CCDC171: variants seen among roughly 807,000 people sequenced by gnomAD.
CCDC171 encodes coiled-coil domain-containing protein 171.
Under a neutral mutation model 168.2 loss-of-function variants are expected in CCDC171, and 177 were observed. That is an observed-to-expected ratio of 1.05 (90% CI 0.93 to 1.19). The LOEUF (loss-of-function observed/expected upper bound fraction) is 1.19. Among genes scored for constraint, CCDC171 ranks in the 50% most tolerant of loss-of-function variants. The probability of loss-of-function intolerance (pLI) is 0.00; values close to 1 mark genes in which losing one functional copy is unlikely to be tolerated. For synonymous variants in CCDC171, 687 were observed against 540.8 expected, an observed-to-expected ratio of 1.27 and a Z score of -3.75; for missense variants, 1,991 against 1,539.0, an observed-to-expected ratio of 1.29 and a Z score of -4.91.
rs866695413 is a variant in CCDC171, at chr9:15,662,612, A to G, written c.916-3551A>G. Among the ~76,000 whole-genome samples, 3 of 152,222 alleles carry G rather than the reference A, an allele frequency of 2.0e-5. No homozygotes were observed. In the Middle Eastern group the frequency reaches 0.01, roughly 518 times the overall value. ...TCAAGATCTAAGACTGTGTAGTTTC[A>G]TTATTGTATGTATCTTGAGCATTAG... On this transcript the variant is annotated intron_variant, in intron 8 of 25. Coordinates refer to ENST00000380701, the MANE Select transcript of CCDC171 (RefSeq NM_173550.4).
In CCDC171 at chr9:15,591,489, T is replaced by C; in HGVS notation, c.476T>C (p.Ile159Thr). ...GATTTGGAGGAAAGAGACAATATGATCCAAAATTGCAATCGAGAATATGAT... is the reference window on the plus strand; with the variant it reads ...GATTTGGAGGAAAGAGACAATATGACCCAAAATTGCAATCGAGAATATGAT... The part of the protein sequence containing the change: ...EHDLEERDNM[I>T]QNCNREYDLL... The change falls in exon 5 of 26, where the codon ATC (isoleucine) becomes ACC (threonine). Residue 159 changes from isoleucine to threonine, a missense_variant. Ile to Thr is a moderately conservative substitution (Grantham distance 89, BLOSUM62 -1). Transcript: ENST00000380701. The C allele has an allele frequency of 2.5e-6, 4 of 1,607,114 alleles. No homozygotes were observed. The highest frequency in any genetic ancestry group is 3.4e-6 in the Non-Finnish European group (4 of 1,176,570).
intron 16 of CCDC171, among the ~76,000 whole-genome samples, chr9:15,743,567 T>C (rs1288024786): frequency 6.6e-6 from 1 of 152,238 alleles, no homozygotes; most frequent in Admixed American, 6.5e-5. Flanking sequence ...ATTGTGGTTC[T>C]TACAGTTAAA....
At chr9:15,708,508 C>A (rs568988048) in intron 11 of CCDC171, among the ~76,000 whole-genome samples, 1 of 152,272 alleles carries the variant, frequency 6.6e-6, no homozygotes, top group African/African-American at 2.4e-5. Flanking sequence ...TATCTTTCTA[C>A]TGTGTAGGTG....
chr9:15,591,224 C>A, intron 4 of CCDC171, 142 bp from the exon 5 acceptor site: 1 of 543,034 alleles, frequency 1.8e-6, no homozygotes, highest in South Asian at 2.8e-5. Flanking sequence ...GAAAGGTTTT[C>A]AAGAGTTTAC....
rs576738772 is a variant in CCDC171 at position 15,601,211 on chromosome 9, C to T, written c.675+7039C>T. ...CTGAGTTGGAAATGCAGAAATCATT[C>T]GTCTTTTGCATCGCTCTTGCTGGGA... On this transcript the variant is annotated intron_variant, in intron 6 of 25. Coordinates refer to ENST00000380701, the MANE Select transcript of CCDC171 (RefSeq NM_173550.4). 2.0e-5 allele frequency among the ~76,000 whole-genome samples: 3 copies of T among 152,178 alleles called. No individual in the cohort carries two copies. The South Asian group carries it at 6.2e-4, about 32-fold the overall frequency.
intron 10 of CCDC171, among the ~76,000 whole-genome samples, chr9:15,684,245 C>G (rs1385115278): frequency 6.6e-6 from 1 of 151,892 alleles, no homozygotes; most frequent in Non-Finnish European, 1.5e-5. Flanking sequence ...AAATAAAAAA[C>G]TTAAAAGTTT....
At chr9:16,046,062 G>A (rs1833654595) in intron 1 of CCDC171, among the ~76,000 whole-genome samples, 1 of 152,176 alleles carries the variant, frequency 6.6e-6, no homozygotes, top group African/African-American at 2.4e-5. Context: ...CACTGGTTAG[G>A]TCACTCCCAT....
the CCDC171 span, among the ~76,000 whole-genome samples, chr9:16,099,291 G>A: frequency 6.6e-6 from 1 of 152,158 alleles, no homozygotes; most frequent in Non-Finnish European, 1.5e-5. Flanking sequence ...TGTTCCCCCT[G>A]GTTTATTCTG....
intron 9 of CCDC171, among the ~76,000 whole-genome samples, chr9:15,672,128 G>C (rs1337252007): frequency 3.2e-4 from 49 of 152,104 alleles, no homozygotes; most frequent in Admixed American, 3.2e-3. Flanking sequence ...TCATATGTCT[G>C]TTGGCTGCAT....
chr9:15,799,714 A>G (rs138910044), intron 21 of CCDC171, among the ~76,000 whole-genome samples: 302 of 151,814 alleles, frequency 2.0e-3, no homozygotes, highest in African/African-American at 7.1e-3. Context: ...GACTTATTCA[A>G]TCTTTCTCTC....
intron 1 of CCDC171, among the ~76,000 whole-genome samples, chr9:16,058,439 G>A (rs1050013701): frequency 4.6e-5 from 7 of 152,138 alleles, no homozygotes; most frequent in African/African-American, 1.7e-4. Flanking sequence ...CCTCGCCGGC[G>A]TGCACAAGTC....
chr9:15,914,786 C>T (rs980382828), intron 24 of CCDC171, among the ~76,000 whole-genome samples: 23 of 152,042 alleles, frequency 1.5e-4, no homozygotes, highest in African/African-American at 5.6e-4. Context: ...TGTAGGTACC[C>T]AAGGGAATCT....
At position 15,762,979 on chromosome 9, in the gene CCDC171, G is replaced by A. The variant is rs539949155; in HGVS notation, c.2672-14621G>A. ...CACTTCTGACACCACAAATTCAGGG[G>A]TCCCCAGGGCCACCCTCACTTCAGG... On this transcript the variant is annotated intron_variant, in intron 18 of 25. Coordinates refer to ENST00000380701, the MANE Select transcript of CCDC171 (RefSeq NM_173550.4). Among the ~76,000 whole-genome samples the A allele has an allele frequency of 1.8e-4, 28 of 152,260 alleles. 1 individual carries two copies. In the South Asian group the frequency reaches 5.6e-3, roughly 31 times the overall value.
intron 23 of CCDC171, among the ~76,000 whole-genome samples, chr9:15,873,875 G>A (rs1160243797): frequency 6.6e-6 from 1 of 152,018 alleles, no homozygotes; most frequent in African/African-American, 2.4e-5. Flanking sequence ...TTAAAATAGA[G>A]TACAAATACT....
intron 3 of CCDC171, among the ~76,000 whole-genome samples, chr9:15,993,660 C>T (rs1832276710): frequency 6.6e-6 from 1 of 152,128 alleles, no homozygotes; most frequent in South Asian, 2.1e-4. Context: ...AACAGGCAAC[C>T]TACAGAATGG....
rs761606989 is a variant in CCDC171 at position 15,777,799 on chromosome 9, T to C, written c.2871T>C (p.Tyr957=). 17 of 1,610,932 alleles carry C rather than the reference T, an allele frequency of 1.1e-5. No individual in the cohort carries two copies. Among genetic ancestry groups the C allele is most frequent in the South Asian group, 3.3e-5 (3 of 90,258 alleles). The change falls in exon 19 of 26, where the codon TAT becomes TAC. Residue 957 remains tyrosine, a synonymous_variant. Transcript: ENST00000380701. ...LHKVNTLALK[Y]GLRGHVPITK... ...AAGTAAACACACTGGCCCTGAAATATGGTTTGCGTGGCCATGTGCCCATTA... is the reference window on the plus strand; with the variant it reads ...AAGTAAACACACTGGCCCTGAAATACGGTTTGCGTGGCCATGTGCCCATTA...
At chr9:15,733,898 G>A (rs2054311935) in intron 16 of CCDC171, among the ~76,000 whole-genome samples, 1 of 152,048 alleles carries the variant, frequency 6.6e-6, no homozygotes, top group East Asian at 1.9e-4. Context: ...CTCCCAAGTA[G>A]CTGGGACTGT....
chr9:15,889,757 A>G (rs1819941811), intron 24 of CCDC171, among the ~76,000 whole-genome samples: 1 of 152,198 alleles, frequency 6.6e-6, no homozygotes, highest in Non-Finnish European at 1.5e-5. Flanking sequence ...CTTACTCAAC[A>G]TTCTAATGTG....
At chr9:15,906,120 C>T (rs1015994420) in intron 24 of CCDC171, among the ~76,000 whole-genome samples, 3 of 152,232 alleles carry the variant, frequency 2.0e-5, no homozygotes, top group Non-Finnish European at 2.9e-5. Context: ...ACCATTCCTT[C>T]TGAAACTATT....
Sources: allele counts gnomAD v4.1 joint callset (sites outside exome capture counted in the v4.1 genomes callset), GRCh38; gene constraint gnomAD v4.1.1; transcripts MANE v1.5; gene names NCBI Gene and HGNC (gene_info 2026-07-23, HGNC 2026-07-21).